The following WSB2 variants were observed in gnomAD, a reference collection of about 807,000 sequenced individuals.
WSB2 encodes WD repeat and SOCS box-containing protein 2.
Under a neutral mutation model 48.8 loss-of-function variants are expected in WSB2, and 12 were observed. That is an observed-to-expected ratio of 0.25 (90% CI 0.16 to 0.40). The LOEUF is 0.40. Among genes scored for constraint, WSB2 ranks in the 10% least tolerant of loss-of-function variants. The pLI is 1.00. For missense variants in WSB2, 317 were observed against 506.2 expected (o/e 0.63, Z 3.59); for synonymous variants, 191 against 203.1 (o/e 0.94, Z 0.51).
At chr12:118,038,473 C>T in intron 4 of WSB2, 85 bp from the exon 5 acceptor site, 5 of 1,306,602 alleles carry the variant, frequency 3.8e-6, no homozygotes, top group Non-Finnish European at 5.4e-6. Flanking sequence ...TGGTAACAGC[C>T]CCCAGCCCAG....
Position 118,052,296 on chromosome 12 carries a change from A to T in WSB2, c.182+14T>A. On this transcript the variant is annotated intron_variant, in intron 2 of 8. Transcript: ENST00000315436. ...GAAATGCGCCGGATGGGGCCCCAGT[A>T]CGAGAATACTTACAACTGCTCCTCC... The T allele has an allele frequency of 6.2e-7, 1 of 1,610,740 alleles. No individual in the cohort carries two copies. The highest frequency in any genetic ancestry group is 1.1e-5 in the South Asian group (1 of 91,046).
chr12:118,038,028 A>T lies in WSB2; in HGVS notation c.660+260T>A. 3 of 344,250 alleles carry T rather than the reference A, an allele frequency of 8.7e-6. 1 individual carries two copies. The East Asian group carries it at 1.4e-4, about 16-fold the overall frequency. The allele number at this position is 344,250 out of a possible 1,614,324, so 21.3% of individuals were successfully genotyped here. ...TAGACTCCAAGAAGAAAAGAAATTT[A>T]AAAAGCAATTGTTTTCCCATTTTAT... On this transcript the variant is annotated intron_variant, in intron 5 of 8. Transcript: ENST00000315436.
chr12:118,039,025 A>C (rs1593464041), intron 4 of WSB2, among the ~76,000 whole-genome samples: 1 of 152,194 alleles, frequency 6.6e-6, no homozygotes, highest in African/African-American at 2.4e-5. Flanking sequence ...TAGGCTCCCC[A>C]ACCACCTCAA....
intron 5 of WSB2, among the ~76,000 whole-genome samples, chr12:118,036,798 C>G (rs142325762): frequency 6.7e-6 from 1 of 150,300 alleles, no homozygotes; most frequent in East Asian, 1.9e-4. Context: ...GCAGAGACTT[C>G]TGAGTCTGCT....
At chr12:118,035,768 C>T (rs2031496147) in intron 6 of WSB2, 1 of 172,836 alleles carries the variant, frequency 5.8e-6, no homozygotes, top group East Asian at 1.6e-4. Context: ...CTTGTTACTA[C>T]AGTTATTAGT....
At position 118,043,341 on chromosome 12, in the gene WSB2, G is replaced by T; in HGVS notation, c.219C>A (p.Ser73Arg). 6.3e-7 allele frequency: 1 copy of T among 1,586,962 alleles called. No homozygotes were observed. The highest frequency in any genetic ancestry group is 8.6e-7 in the Non-Finnish European group (1 of 1,167,436). ...PKGFEAKSRS[S>R]KNETKGRGSP... ...TGCCCCGCCCTTTCGTCTCATTTTT[G>T]CTACTTCGGCTTTTGGCTTCAAACC... Residue 73 changes from serine (S) to arginine (R), a missense_variant, in exon 3 of 9, where the codon AGC (serine) becomes AGA (arginine). This residue lies in a region of WSB2 where 128 missense variants were observed against 156.7 expected (regional missense o/e 0.82). Transcript: ENST00000315436.
intron 1 of WSB2, among the ~76,000 whole-genome samples, chr12:118,059,671 A>T (rs2137803875): frequency 1.3e-5 from 2 of 152,312 alleles, no homozygotes; most frequent in South Asian, 2.1e-4. Context: ...CTAGCTACAG[A>T]TTGCTTTCAG....
intron 2 of WSB2, among the ~76,000 whole-genome samples, chr12:118,047,713 T>C (rs1369632796): frequency 6.6e-6 from 1 of 151,990 alleles, no homozygotes; most frequent in Non-Finnish European, 1.5e-5. Context: ...ACCTTTTCTC[T>C]GCCCCCCAAA....
At chr12:118,044,795 T>C (rs2031712722) in intron 2 of WSB2, among the ~76,000 whole-genome samples, 1 of 152,136 alleles carries the variant, frequency 6.6e-6, no homozygotes, top group South Asian at 2.1e-4. Flanking sequence ...CTGTTTGCGG[T>C]ACACAGCACA....
intron 1 of WSB2, chr12:118,052,711 C>T: frequency 1.7e-6 from 1 of 596,726 alleles, no homozygotes; most frequent in Non-Finnish European, 2.9e-6. Flanking sequence ...AACCTTTGTG[C>T]CCATGAACCC....
At chr12:118,041,614 C>T (rs991802044) in intron 4 of WSB2, among the ~76,000 whole-genome samples, 12 of 152,026 alleles carry the variant, frequency 7.9e-5, no homozygotes, top group Admixed American at 2.0e-4. Context: ...ACCCTCCTTC[C>T]AATCCCTCCA....
At chr12:118,061,504 G>A (rs1213051642), upstream of WSB2, among the ~76,000 whole-genome samples, 1 of 151,170 alleles carries the variant, frequency 6.6e-6, no homozygotes, top group Non-Finnish European at 1.5e-5. Context: ...AAGGGAGGGA[G>A]GTGAACAGAG....
At chr12:118,052,520 C>T in intron 1 of WSB2, 42 bp from the exon 2 acceptor site, 1 of 1,609,842 alleles carries the variant, frequency 6.2e-7, no homozygotes, top group Non-Finnish European at 8.5e-7. Context: ...CACCCCCTTG[C>T]TCCCTGACCA....
At chr12:118,057,898 G>A (rs892147474) in intron 1 of WSB2, among the ~76,000 whole-genome samples, 9 of 150,128 alleles carry the variant, frequency 6.0e-5, no homozygotes, top group African/African-American at 1.2e-4. Flanking sequence ...ATCGGGCTAC[G>A]GGGGCGTACC....
At chr12:118,057,749 G>C (rs1242158820) in intron 1 of WSB2, among the ~76,000 whole-genome samples, 1 of 150,378 alleles carries the variant, frequency 6.6e-6, no homozygotes, top group East Asian at 2.0e-4. Flanking sequence ...CAAATTTCAA[G>C]TATATCATAT....
chr12:118,053,243 C>T (rs1245475519), intron 1 of WSB2, among the ~76,000 whole-genome samples: 1 of 152,180 alleles, frequency 6.6e-6, no homozygotes, highest in Non-Finnish European at 1.5e-5. Flanking sequence ...ATCGGTCCAA[C>T]CTCCTTCCCT....
At position 118,035,107 on chromosome 12, in the gene WSB2, G is replaced by C. The variant is rs751498935; in HGVS notation, c.945-14C>G. The C allele has an allele frequency of 6.2e-7, 1 of 1,613,882 alleles. No individual in the cohort carries two copies. The highest frequency in any genetic ancestry group is 1.3e-5 in the African/African-American group (1 of 75,054). ...ATCCTGAGGAGTCTGGATGGGGAGA[G>C]AGAACATCTGGATATTAGCTGACCC... On this transcript the variant is annotated splice_polypyrimidine_tract_variant and intron_variant, in intron 7 of 8. Transcript: ENST00000315436.
At chr12:118,034,531 C>T (rs962059921) in intron 8 of WSB2, 173 bp from the exon 9 acceptor site, 5 of 725,190 alleles carry the variant, frequency 6.9e-6, no homozygotes, top group Non-Finnish European at 1.1e-5. Flanking sequence ...ATTAAAGCTG[C>T]TGATAGGATT....
chr12:118,055,015 TAAAAA>T (rs11426565), intron 1 of WSB2, among the ~76,000 whole-genome samples: 4 of 135,254 alleles, frequency 3.0e-5, no homozygotes, highest in Non-Finnish European at 6.4e-5. Context: ...TCCATCTCTT[TAAAAA>T]AAAAAAAAAA....
Sources: gnomAD v4.1 joint callset for allele counts (sites outside exome capture counted in the v4.1 genomes callset) on GRCh38, gnomAD v4.1.1 for gene constraint, gnomAD v4.1.1 regional missense constraint, MANE v1.5 for transcripts, NCBI Gene and HGNC (gene_info 2026-07-23, HGNC 2026-07-21) for gene names.